The following KLC2 variants were observed in gnomAD, a reference collection of about 807,000 sequenced individuals.
KLC2 encodes the protein KLC 2.
Under a neutral mutation model 75.1 loss-of-function variants are expected in KLC2, and 35 were observed. The observed-to-expected ratio is 0.47, with a 90% CI of 0.36 to 0.62. The LOEUF is 0.62. Among genes scored for constraint, KLC2 ranks in the 20% least tolerant of loss-of-function variants. KLC2 has a pLI of 0.00. For synonymous variants in KLC2, 314 were observed against 336.7 expected (o/e 0.93, Z 0.74); for missense variants, 611 against 833.2 (o/e 0.73, Z 3.28).
upstream of KLC2, among the ~76,000 whole-genome samples, chr11:66,253,886 G>C (rs1855982987): frequency 6.6e-6 from 1 of 152,236 alleles, no homozygotes. Context: ...TTGGAGCCAG[G>C]AACCTGCACA....
upstream of KLC2, among the ~76,000 whole-genome samples, chr11:66,253,704 A>T (rs1037805360): frequency 6.6e-6 from 1 of 152,258 alleles, no homozygotes; most frequent in African/African-American, 2.4e-5. Context: ...CAGAGACAAG[A>T]TAAAAAGCCA....
At chr11:66,245,694 G>A in the KLC2 span, among the ~76,000 whole-genome samples, 3 of 149,206 alleles carry the variant, frequency 2.0e-5, no homozygotes, top group African/African-American at 5.0e-5. Context: ...CCAGCCTGGC[G>A]ACACAGCGAG....
At chr11:66,261,649 T>A in intron 2 of KLC2, 93 bp from the exon 3 acceptor site, 15 of 753,556 alleles carry the variant, frequency 2.0e-5, no homozygotes, top group East Asian at 5.3e-5. Context: ...GGCCTGGCCC[T>A]TCACTGGGTG....
At chr11:66,253,793 C>A (rs899461573), upstream of KLC2, among the ~76,000 whole-genome samples, 1 of 152,342 alleles carries the variant, frequency 6.6e-6, no homozygotes, top group South Asian at 2.1e-4. Context: ...AGCCTTCCCC[C>A]ACCAGCACAC....
chr11:66,267,040 C>A lies in KLC2; in HGVS notation c.*84C>A. On this transcript the variant is annotated 3_prime_UTR_variant, in exon 16 of 16. Coordinates refer to ENST00000394067, the MANE Select transcript of KLC2 (RefSeq NM_001318734.2). ...CCTGCGCATGGGCCTGCTGCTTGTC[C>A]CGCCTGTCTCTCCCACAGCCCCTGT... 7 of 1,585,112 alleles carry A rather than the reference C, an allele frequency of 4.4e-6. No individual in the cohort carries two copies. The South Asian group carries it at 6.8e-5, about 15-fold the overall frequency.
At position 66,262,959 on chromosome 11, in the gene KLC2, C is replaced by CG. The variant is rs781774108; in HGVS notation, c.676dup (p.Glu226GlyfsTer13). 2.5e-6 allele frequency: 4 copies of CG among 1,613,898 alleles called. No individual in the cohort carries two copies. Among genetic ancestry groups the CG allele is most frequent in the Non-Finnish European group, 3.4e-6 (4 of 1,179,908 alleles). ...CTGTGCCACTCTGCAAGCAGGCACT[C>CG]GAAGACCTGGAGAAGACGTCAGGCC... On this transcript the variant is annotated frameshift_variant, in exon 5 of 16. Transcript: ENST00000394067. LOFTEE classifies it high-confidence loss of function.
the KLC2 span, among the ~76,000 whole-genome samples, chr11:66,251,862 T>C: frequency 6.6e-6 from 1 of 152,236 alleles, no homozygotes; most frequent in Non-Finnish European, 1.5e-5. Context: ...CAGGACTTAG[T>C]GCTATTCCAA....
chr11:66,267,492 C>T lies in KLC2; in HGVS notation c.*536C>T. 2.9e-6 allele frequency: 2 copies of T among 698,050 alleles called. No individual in the cohort carries two copies. Among genetic ancestry groups the T allele is most frequent in the East Asian group, 5.4e-5 (2 of 36,966 alleles). 43.2% of individuals were successfully genotyped at this position (698,050 alleles called of 1,614,324 possible). A position where few individuals can be genotyped will look rare whatever the true frequency, so the allele number is the denominator to read the frequency against. On this transcript the variant is annotated 3_prime_UTR_variant, in exon 16 of 16. Transcript: ENST00000394067. ...CCAGGCTCTACATTCTCGGGAGCGG[C>T]GCCTCCCAAGGGGGTCCTGGGACCT...
rs556261444 is a variant in KLC2 at position 66,261,775 on chromosome 11, G to A, written c.262G>A (p.Val88Ile). Reference sequence around the variant, plus strand: ...GGCATTGTCGAGCCACCTGGGGGCTGTAGAATCAGAGAAGCAGAAGCTGCG... The same window carrying A: ...GGCATTGTCGAGCCACCTGGGGGCTATAGAATCAGAGAAGCAGAAGCTGCG... ...ILALSSHLGA[V>I]ESEKQKLRAQ... Residue 88 changes from valine to isoleucine, a missense_variant, in exon 3 of 16, where the codon GTA (valine) becomes ATA (isoleucine). Val to Ile is a conservative substitution (Grantham distance 29). Transcript: ENST00000394067. 2.5e-6 allele frequency: 4 copies of A among 1,612,368 alleles called. No homozygotes were observed. The East Asian group carries it at 8.9e-5, about 36-fold the overall frequency.
intron 11 of KLC2, 184 bp from the exon 12 acceptor site, chr11:66,265,451 GGCCCTGGGGCCAGGTCCCCA>G (rs1189965194): frequency 4.5e-6 from 3 of 662,944 alleles, no homozygotes; most frequent in Non-Finnish European, 5.2e-6. Context: ...ATCCCATGAG[GGCCCTGGGGCCAGGTCCCCA>G]GCCCTGGGGT....
upstream of KLC2, chr11:66,257,388 C>A (rs990182703): frequency 6.6e-6 from 1 of 152,304 alleles, no homozygotes; most frequent in Non-Finnish European, 1.5e-5. Flanking sequence ...GCAGTAGGCG[C>A]TCAGTTAGTG....
At position 66,267,154 on chromosome 11, in the gene KLC2, T is replaced by G; in HGVS notation, c.*198T>G. On this transcript the variant is annotated 3_prime_UTR_variant, in exon 16 of 16. Coordinates refer to ENST00000394067, the MANE Select transcript of KLC2 (RefSeq NM_001318734.2). ...GGCCTGCCCACTCCAGCTCCATCCC[T>G]TATTTATTCCTTCCAGCAGGGCCCT... The G allele has an allele frequency of 1.9e-6, 3 of 1,543,206 alleles. No homozygotes were observed. Among genetic ancestry groups the G allele is most frequent in the Non-Finnish European group, 2.6e-6 (3 of 1,142,518 alleles).
At chr11:66,253,003 G>GACTTTTTTTTTT (rs1235358191), upstream of KLC2, among the ~76,000 whole-genome samples, 1 of 143,386 alleles carries the variant, frequency 7.0e-6, no homozygotes, top group Non-Finnish European at 1.5e-5. Context: ...TGAATGTGCT[G>GACTTTTTTTTTT]ACTTTTTTTT....
At chr11:66,257,598 C>G (rs1269339609), upstream of KLC2, 1 of 152,194 alleles carries the variant, frequency 6.6e-6, no homozygotes, top group Non-Finnish European at 1.5e-5. Flanking sequence ...GCGCCCCGGG[C>G]GGGTCCTCGC....
the KLC2 span, among the ~76,000 whole-genome samples, chr11:66,248,922 GTTTT>G: frequency 6.6e-6 from 1 of 151,406 alleles, no homozygotes; most frequent in African/African-American, 2.4e-5. Flanking sequence ...GTTTTCTTTC[GTTTT>G]TTTTGGTAGA....
At chr11:66,256,270 G>C (rs974338829), upstream of KLC2, among the ~76,000 whole-genome samples, 4 of 151,946 alleles carry the variant, frequency 2.6e-5, no homozygotes, top group African/African-American at 9.7e-5. Context: ...GTAGTGGCAT[G>C]CACTTGTAGT....
At chr11:66,266,308 C>G (rs1856821333) in intron 14 of KLC2, 91 bp downstream of exon 14, 1 of 1,491,578 alleles carries the variant, frequency 6.7e-7, no homozygotes, top group African/African-American at 1.4e-5. Flanking sequence ...CCCCAGGCAA[C>G]CTCCCCATCC....
chr11:66,267,724 T>C lies in KLC2; in HGVS notation c.*768T>C. 1 of 448,148 alleles carries C rather than the reference T, an allele frequency of 2.2e-6. No homozygotes were observed. Among genetic ancestry groups the C allele is most frequent in the Non-Finnish European group, 4.0e-6 (1 of 252,688 alleles). The allele number at this position is 448,148 out of a possible 1,614,324, so 27.8% of individuals were successfully genotyped here. A position where few individuals can be genotyped will look rare whatever the true frequency, so the allele number is the denominator to read the frequency against. On this transcript the variant is annotated 3_prime_UTR_variant, in exon 16 of 16. Coordinates refer to ENST00000394067, the MANE Select transcript of KLC2 (RefSeq NM_001318734.2). ...GCCCACCGAGCCATCCTGCCTCGCC[T>C]CCCCCCACGCCTGCAGCTTCTCGCG... is the stretch of plus-strand genomic sequence containing the variant.
chr11:66,244,944 A>G, the KLC2 span: 3 of 152,184 alleles, frequency 2.0e-5, no homozygotes, highest in African/African-American at 7.2e-5. Context: ...GAAAGATGTC[A>G]TTTCCACACC....
Sources: gnomAD v4.1 joint callset for allele counts (sites outside exome capture counted in the v4.1 genomes callset) on GRCh38, gnomAD v4.1.1 for gene constraint, MANE v1.5 for transcripts, NCBI Gene and HGNC (gene_info 2026-07-23, HGNC 2026-07-21) for gene names.